Variants in PCDH15 observed in about 807,000 individuals in gnomAD.
PCDH15 encodes the protein protocadherin related 15, also known as protocadherin-15.
Under a neutral mutation model 178.5 loss-of-function variants are expected in PCDH15, and 129 were observed. That is an observed-to-expected ratio of 0.72 (90% CI 0.63 to 0.84). PCDH15 has a LOEUF of 0.84. PCDH15 is among the 40% of genes least tolerant of loss of function. The probability of loss-of-function intolerance (pLI) is 0.00; values close to 1 mark genes in which losing one functional copy is unlikely to be tolerated. For missense variants in PCDH15, 2,230 were observed against 2,099.9 expected, an observed-to-expected ratio of 1.06 and a Z score of -1.21; for synonymous variants, 800 against 732.0, an observed-to-expected ratio of 1.09 and a Z score of -1.50.
At chr10:54,216,505 G>A (rs915251221) in intron 9 of PCDH15, among the ~76,000 whole-genome samples, 17 of 152,092 alleles carry the variant, frequency 1.1e-4, no homozygotes, top group African/African-American at 3.9e-4. Context: ...TTCACAGAAA[G>A]AGAAAGGCAA....
intron 3 of PCDH15, among the ~76,000 whole-genome samples, chr10:54,380,797 T>C (rs1949140931): frequency 6.9e-6 from 1 of 144,908 alleles, no homozygotes; most frequent in East Asian, 2.0e-4. Context: ...TTGAACTATC[T>C]TTACAAAGCA....
intron 3 of PCDH15, among the ~76,000 whole-genome samples, chr10:54,407,465 G>A (rs762028423): frequency 2.0e-5 from 3 of 151,950 alleles, no homozygotes; most frequent in Non-Finnish European, 4.4e-5. Context: ...TTTTTAATCT[G>A]GATAATGGCT....
At chr10:54,870,511 C>T (rs1161340598) in intron 3 of PCDH15, among the ~76,000 whole-genome samples, 1 of 152,060 alleles carries the variant, frequency 6.6e-6, no homozygotes, top group African/African-American at 2.4e-5. Flanking sequence ...AAAGACCGGG[C>T]GCGGTGGCTC....
chr10:54,518,158 A>G (rs1222172761), intron 3 of PCDH15, among the ~76,000 whole-genome samples: 1 of 152,180 alleles, frequency 6.6e-6, no homozygotes, highest in Admixed American at 6.5e-5. Flanking sequence ...AGAACTAGAA[A>G]AGCAAGAGCA....
At chr10:54,662,422 A>C (rs2094505551) in intron 2 of PCDH15, among the ~76,000 whole-genome samples, 1 of 151,926 alleles carries the variant, frequency 6.6e-6, no homozygotes. Context: ...AAAATAAACC[A>C]CAACATAAAC....
chr10:54,152,868 C>T (rs997660038), intron 14 of PCDH15, among the ~76,000 whole-genome samples: 3 of 152,122 alleles, frequency 2.0e-5, no homozygotes, highest in Admixed American at 2.0e-4. Flanking sequence ...CTTTCTCTGT[C>T]TGCAGCCTTA....
chr10:55,160,135 T>G (rs756279811), intron 2 of PCDH15, among the ~76,000 whole-genome samples: 28 of 152,006 alleles, frequency 1.8e-4, no homozygotes, highest in Non-Finnish European at 3.4e-4. Flanking sequence ...TCATAAAATA[T>G]CAATGTAAAA....
At chr10:55,435,419 T>C (rs1345311106) in intron 2 of PCDH15, among the ~76,000 whole-genome samples, 1 of 152,174 alleles carries the variant, frequency 6.6e-6, no homozygotes, top group African/African-American at 2.4e-5. Flanking sequence ...AATTAAATAA[T>C]TTAAAAACAA....
chr10:53,942,994 C>T (rs1416358500), intron 23 of PCDH15, among the ~76,000 whole-genome samples: 3 of 152,208 alleles, frequency 2.0e-5, no homozygotes, highest in South Asian at 2.1e-4. Flanking sequence ...ATATGTCAGT[C>T]ATATTAGGGG....
chr10:54,665,802 G>A (rs186704573), intron 1 of PCDH15, among the ~76,000 whole-genome samples: 15 of 151,992 alleles, frequency 9.9e-5, no homozygotes, highest in African/African-American at 3.6e-4. Context: ...TGCTTGGCGC[G>A]TGCATTTATA....
chr10:55,444,994 C>T (rs1374148019), intron 2 of PCDH15, among the ~76,000 whole-genome samples: 3 of 151,856 alleles, frequency 2.0e-5, no homozygotes, highest in Non-Finnish European at 4.4e-5. Flanking sequence ...GATTCAAATG[C>T]ATAGAATTAA....
At chr10:55,578,894 A>G (rs929147491) in intron 2 of PCDH15, among the ~76,000 whole-genome samples, 6 of 152,132 alleles carry the variant, frequency 3.9e-5, no homozygotes, top group African/African-American at 7.2e-5. Flanking sequence ...CCACCCCCCT[A>G]TGATTCAATT....
intron 6 of PCDH15, among the ~76,000 whole-genome samples, chr10:54,345,829 A>AAAAAAAAAAAAAC: frequency 7.3e-6 from 1 of 137,120 alleles, no homozygotes; most frequent in Non-Finnish European, 1.6e-5. Flanking sequence ...AAAAAAAAAA[A>AAAAAAAAAAAAAC]AAAAAGAAAT....
intron 25 of PCDH15, among the ~76,000 whole-genome samples, chr10:53,914,618 G>A (rs1321391472): frequency 1.3e-5 from 2 of 152,180 alleles, no homozygotes; most frequent in Non-Finnish European, 2.9e-5. Flanking sequence ...CTGTTGTGGA[G>A]TTGGGGGCTG....
Position 55,006,934 on chromosome 10 carries a change from T to C in PCDH15, c.-79-109434A>G, listed in dbSNP as rs189050150. 5.9e-3 allele frequency among the ~76,000 whole-genome samples: 902 copies of C among 152,278 alleles called. 4 individuals are homozygous for C. Among genetic ancestry groups the C allele is most frequent in the Non-Finnish European group, 8.1e-3 (552 of 68,018 alleles). On this transcript the variant is annotated intron_variant, in intron 2 of 5. Coordinates refer to the PCDH15 transcript ENST00000458638. ...GGCCTGGTGGGAGGTGTTTGAATCA[T>C]GGGGGAAGATCCTTCATGGCTTAGT...
intron 4 of PCDH15, among the ~76,000 whole-genome samples, chr10:54,376,553 C>A (rs1948465565): frequency 6.6e-6 from 1 of 151,190 alleles, no homozygotes; most frequent in Admixed American, 6.6e-5. Context: ...GAATTCTCTA[C>A]TATATCTTTG....
intron 2 of PCDH15, among the ~76,000 whole-genome samples, chr10:54,962,794 C>T (rs1022055163): frequency 1.5e-4 from 23 of 152,218 alleles, no homozygotes; most frequent in Non-Finnish European, 2.2e-4. Context: ...GCATGGGATC[C>T]GGGATGGTAC....
At chr10:54,977,694 A>C (rs1839109429) in intron 2 of PCDH15, among the ~76,000 whole-genome samples, 1 of 152,062 alleles carries the variant, frequency 6.6e-6, no homozygotes, top group South Asian at 2.1e-4. Context: ...TTTTCCAATA[A>C]ACTCGCTTTC....
At chr10:54,996,852 T>C (rs956493218) in intron 2 of PCDH15, among the ~76,000 whole-genome samples, 28 of 152,084 alleles carry the variant, frequency 1.8e-4, no homozygotes, top group Non-Finnish European at 1.5e-5. Flanking sequence ...GGCTCACACC[T>C]GTAATCCCAG....
Sources: allele counts gnomAD v4.1 joint callset (sites outside exome capture counted in the v4.1 genomes callset), GRCh38; gene constraint gnomAD v4.1.1; transcripts MANE v1.5; gene names NCBI Gene and HGNC (gene_info 2026-07-23, HGNC 2026-07-21).